Variants in POLE observed in about 807,000 individuals in gnomAD.
The protein encoded by POLE is DNA polymerase epsilon catalytic subunit A.
In POLE, 188 loss-of-function variants were observed where a neutral mutation model predicts 279.2. The ratio of observed to expected loss-of-function variants is 0.67; its 90% CI spans 0.60 to 0.76. The LOEUF (loss-of-function observed/expected upper bound fraction) is 0.76. POLE is among the 30% of genes least tolerant of loss of function. The pLI is 0.00. For synonymous variants in POLE, 1,214 were observed against 1,172.5 expected (o/e 1.04, Z -0.72); for missense variants, 2,703 against 3,016.7 (o/e 0.90, Z 2.44).
rs766168647 is a variant in POLE at position 132,648,954 on chromosome 12, G to A, written c.4124C>T (p.Ala1375Val). The change falls in exon 32 of 49, where the codon GCG becomes GTG. Residue 1375 changes from alanine (A) to valine (V), a missense_variant. Ala to Val is a moderately conservative substitution (Grantham distance 64). Coordinates refer to ENST00000320574, the MANE Select transcript of POLE (RefSeq NM_006231.4). ...CTTGCGATACGAAGCACCCTCCTCC[G>A]CTTTAGCGACTCGCTGGTTCACGTA... The part of the protein sequence containing the change: ...VFYVNQRVAK[A>V]EEGASYRKVN... The A allele has an allele frequency of 3.0e-5, 48 of 1,613,734 alleles. No individual in the cohort carries two copies. The highest frequency in any genetic ancestry group is 1.1e-4 in the South Asian group (10 of 91,066).
rs2138663582 is a variant in POLE at position 132,657,936 on chromosome 12, T to C, written c.3310A>G (p.Thr1104Ala). The change falls in exon 27 of 49, where the codon ACG (threonine) becomes GCG (alanine). Residue 1104 changes from threonine (T) to alanine (A), a missense_variant. This residue lies in a region of POLE where 1,551 missense variants were observed against 1,686.1 expected (regional missense o/e 0.92). Coordinates refer to ENST00000320574, the MANE Select transcript of POLE (RefSeq NM_006231.4). ...IPLAIFQAEP[T>A]VRKHFLRKWL... ...TTCCGGAGAAAGTGCTTCCTCACCG[T>C]GGGCTCTGCTTGGAAAATGGCAAGT... The C allele has an allele frequency of 6.2e-7, 1 of 1,614,074 alleles. No individual in the cohort carries two copies. Among genetic ancestry groups the C allele is most frequent in the Non-Finnish European group, 8.5e-7 (1 of 1,179,906 alleles).
rs1195523886 is a variant in POLE at position 132,624,721 on chromosome 12, C to T, written c.6837G>A (p.Gln2279=). ...YLLETLEWLL[Q]KNPQLGH ...GCTAATGGCCCAGCTGTGGGTTCTT[C>T]TGCAGCAGCCACTCCAGGGTCTCCA... Residue 2279 remains glutamine (Q), a synonymous_variant, in exon 49 of 49, where the codon CAG becomes CAA. Transcript: ENST00000320574. 1.6e-5 allele frequency: 26 copies of T among 1,612,556 alleles called. No individual in the cohort carries two copies. The highest frequency in any genetic ancestry group is 2.2e-5 in the Non-Finnish European group (26 of 1,178,898).
At chr12:132,677,206 A>C (rs2043074067) in intron 8 of POLE, among the ~76,000 whole-genome samples, 157 bp downstream of exon 8, 1 of 152,232 alleles carries the variant, frequency 6.6e-6, no homozygotes, top group Non-Finnish European at 1.5e-5. Context: ...ACTGTCAGAA[A>C]CTGATGAAAA....
chr12:132,642,631 C>A lies in POLE; in HGVS notation c.4827G>T (p.Val1609=), dbSNP rs770382974. 1 of 1,613,406 alleles carries A rather than the reference C, an allele frequency of 6.2e-7. No individual in the cohort carries two copies. Among genetic ancestry groups the A allele is most frequent in the Admixed American group, 1.7e-5 (1 of 60,028 alleles). The part of the protein sequence containing the change: ...EIPVLEEFPL[V]PICVADKINY... ...TGATCTTGTCAGCCACACAGATAGG[C>A]ACCAGTGGGAATTCCTCCAAGACAG... Residue 1609 remains valine (V), a synonymous_variant, in exon 37 of 49, where the codon GTG becomes GTT. Coordinates refer to ENST00000320574, the MANE Select transcript of POLE (RefSeq NM_006231.4).
chr12:132,670,544 G>A (rs2042902406), intron 16 of POLE, among the ~76,000 whole-genome samples: 3 of 151,234 alleles, frequency 2.0e-5, no homozygotes, highest in African/African-American at 7.3e-5. Flanking sequence ...AGGCTGGAGT[G>A]TAGTGGAGCG....
rs750387204 is a variant in POLE, at chr12:132,677,635, C to A, written c.663G>T (p.Met221Ile). ...TGTGGTAGGGAACATCGTACTCGCG[C>A]ATGTCCACAATGTTGTCCAACTGGT... is the stretch of plus-strand genomic sequence containing the variant. Reference protein sequence around the residue: ...IADQLDNIVDMREYDVPYHIR... With the variant: ...IADQLDNIVDIREYDVPYHIR... The change falls in exon 7 of 49, where the codon ATG (methionine) becomes ATT (isoleucine). Residue 221 changes from methionine (M) to isoleucine (I), a missense_variant. This residue lies in a region of POLE where 1,011 missense variants were observed against 1,111.7 expected (regional missense o/e 0.91). Transcript: ENST00000320574. 2 of 1,614,058 alleles carry A rather than the reference C, an allele frequency of 1.2e-6. No homozygotes were observed. The highest frequency in any genetic ancestry group is 3.3e-5 in the Admixed American group (2 of 60,000).
At chr12:132,643,356 C>T (rs2138548384) in intron 34 of POLE, 26 bp from the exon 35 acceptor site, 1 of 1,614,188 alleles carries the variant, frequency 6.2e-7, no homozygotes, top group Non-Finnish European at 8.5e-7. Flanking sequence ...AGACCGTCAC[C>T]CCAGATGTGT....
chr12:132,649,309 C>T lies in POLE; in HGVS notation c.4002G>A (p.Val1334=), dbSNP rs910374209. 3 of 1,613,588 alleles carry T rather than the reference C, an allele frequency of 1.9e-6. No homozygotes were observed. The highest frequency in any genetic ancestry group is 2.5e-6 in the Non-Finnish European group (3 of 1,179,964). Residue 1334 remains valine, a synonymous_variant, in exon 31 of 49, where the codon GTG becomes GTA. Coordinates refer to ENST00000320574, the MANE Select transcript of POLE (RefSeq NM_006231.4). The stretch of plus-strand genomic sequence containing the variant: ...CCCCTTGGATCAAGGTCTATACCTG[C>T]ACAATCTGCCACGGAAGGTCCAGGA... ...RSILDLPWQI[V]QISETSQAGL...
rs1197318034 is a variant in POLE at position 132,642,763 on chromosome 12, G to A, written c.4729-34C>T. On this transcript the variant is annotated intron_variant, in intron 36 of 48. Transcript: ENST00000320574. ...AGGCAAAATGGAAGAAAAGACCTGG[G>A]TGGACCCAGCCTCAAAGAAGATGGG... 14 of 1,613,372 alleles carry A rather than the reference G, an allele frequency of 8.7e-6. No homozygotes were observed. Among genetic ancestry groups the A allele is most frequent in the Non-Finnish European group, 1.2e-5 (14 of 1,179,776 alleles).
chr12:132,683,412 A>G (rs1226328530), intron 1 of POLE, among the ~76,000 whole-genome samples: 1 of 152,220 alleles, frequency 6.6e-6, no homozygotes, highest in Non-Finnish European at 1.5e-5. Flanking sequence ...GAACCATCAC[A>G]ATAAATATAA....
At position 132,680,051 on chromosome 12, in the gene POLE, T is replaced by C. The variant is rs754385155; in HGVS notation, c.331-5A>G. The C allele has an allele frequency of 6.2e-7, 1 of 1,612,922 alleles. No individual in the cohort carries two copies. The highest frequency in any genetic ancestry group is 8.5e-7 in the Non-Finnish European group (1 of 1,179,144). ...TGAAACTTCTCGCTCACAACCCTAA[T>C]CAGGATCAGAATGAAAAGGCTTTCC... is the stretch of plus-strand genomic sequence containing the variant. On this transcript the variant is annotated splice_polypyrimidine_tract_variant and splice_region_variant and intron_variant, in intron 4 of 48. Coordinates refer to ENST00000320574, the MANE Select transcript of POLE (RefSeq NM_006231.4).
chr12:132,682,181 C>T (rs2136037907), intron 1 of POLE, among the ~76,000 whole-genome samples: 1 of 152,144 alleles, frequency 6.6e-6, no homozygotes, highest in South Asian at 2.1e-4. Context: ...ATAGTCCCAG[C>T]TACTCAGGAG....
rs910631094 is a variant in POLE at position 132,632,667 on chromosome 12, G to C, written c.6133C>G (p.Pro2045Ala). ...CAAAAGACAAAAGACTGCTCACCGGGAAGGGCTCCGACCGCCCCCTCGGCC... is the reference window on the plus strand; with the variant it reads ...CAAAAGACAAAAGACTGCTCACCGGCAAGGGCTCCGACCGCCCCCTCGGCC... ...QEAEGAVGAL[P>A]GMITFSQDYV... is the part of the protein sequence containing the mutation. The change falls in exon 44 of 49, where the codon CCC (proline) becomes GCC (alanine). Residue 2045 changes from proline (P) to alanine (A), a missense_variant. Physicochemically the swap from Pro to Ala is conservative, Grantham distance 27 (BLOSUM62 -1). Transcript: ENST00000320574. 2.5e-6 allele frequency: 4 copies of C among 1,613,880 alleles called. No homozygotes were observed. The African/African-American group carries it at 5.3e-5, about 22-fold the overall frequency.
At chr12:132,663,141 C>T (rs2135954159) in intron 23 of POLE, among the ~76,000 whole-genome samples, 1 of 152,314 alleles carries the variant, frequency 6.6e-6, no homozygotes, top group African/African-American at 2.4e-5. Flanking sequence ...ACCTGCTCCA[C>T]GATATCTATT....
chr12:132,675,305 CCCA>C lies in POLE; in HGVS notation c.1226+90_1226+92del, dbSNP rs534574859. On this transcript the variant is annotated intron_variant, in intron 12 of 48. Transcript: ENST00000320574. This position sits in a 1 kb window ranked among gnomAD's most constrained non-coding sequence, Gnocchi z 4.3. Reference sequence around the variant, plus strand: ...ACGGCCTCTCGGAGGCCACCCTCCTCCCATGAGATGTGGTGACAGCACAGTCTG... The same window carrying C: ...ACGGCCTCTCGGAGGCCACCCTCCTCTGAGATGTGGTGACAGCACAGTCTG... 1.0e-4 allele frequency: 151 copies of C among 1,502,882 alleles called. 2 individuals carry two copies. The East Asian group carries it at 2.6e-3, about 26-fold the overall frequency. 93.1% of individuals were successfully genotyped at this position (1,502,882 alleles called of 1,614,324 possible).
chr12:132,674,840 T>C (rs1163291419), intron 12 of POLE, among the ~76,000 whole-genome samples: 1 of 142,322 alleles, frequency 7.0e-6, no homozygotes, highest in Non-Finnish European at 1.5e-5. Flanking sequence ...TCCCTTCCCT[T>C]CCTTCCCTCC....
rs1396778184 is a variant in POLE at position 132,675,456 on chromosome 12, G to T, written c.1168C>A (p.Gln390Lys). The T allele has an allele frequency of 6.2e-7, 1 of 1,614,152 alleles. No individual in the cohort carries two copies. Among genetic ancestry groups the T allele is most frequent in the Non-Finnish European group, 8.5e-7 (1 of 1,180,022 alleles). Residue 390 changes from glutamine (Q) to lysine (K), a missense_variant, in exon 12 of 49, where the codon CAG becomes AAG. This residue lies in a region of POLE where 1,011 missense variants were observed against 1,111.7 expected (regional missense o/e 0.91). Transcript: ENST00000320574. This position sits in a 1 kb window ranked among gnomAD's most constrained non-coding sequence, Gnocchi z 4.3. ...TTGTACTCCCCCTGGCTGTCCTTCT[G>T]GAAGCCTATCTCCTGCTGCATGCTC... ...GLSMQQEIGF[Q>K]KDSQGEYKAP...
chr12:132,682,090 T>C (rs1376616891), intron 1 of POLE, among the ~76,000 whole-genome samples: 2 of 151,856 alleles, frequency 1.3e-5, no homozygotes, highest in African/African-American at 4.8e-5. Flanking sequence ...GGTGAGGAGA[T>C]CTAGACCATC....
intron 43 of POLE, chr12:132,633,923 G>A (rs2041984052): frequency 2.6e-6 from 1 of 390,110 alleles, no homozygotes. Context: ...TCAATGACAC[G>A]GCCAGGGGCA....
Sources: gnomAD v4.1 joint callset for allele counts (sites outside exome capture counted in the v4.1 genomes callset) on GRCh38, gnomAD v4.1.1 for gene constraint, gnomAD v4.1.1 regional missense constraint, Gnocchi (gnomAD v3.1) non-coding constraint, MANE v1.5 for transcripts, NCBI Gene and HGNC (gene_info 2026-07-23, HGNC 2026-07-21) for gene names.